The following SH3GL2 variants were observed in gnomAD, a reference collection of about 807,000 sequenced individuals.
The protein encoded by SH3GL2 is SH3 domain containing GRB2 like 2, endophilin A1.
SH3GL2 carries 24 observed loss-of-function variants against 46.0 expected under a neutral mutation model. That is an observed-to-expected ratio of 0.52 (90% CI 0.38 to 0.73). SH3GL2 has a LOEUF of 0.73. SH3GL2 is among the 30% of genes least tolerant of loss of function. The pLI, the probability that SH3GL2 is intolerant of heterozygous loss-of-function variation, is 0.00. For missense variants in SH3GL2, 413 were observed against 424.2 expected, an observed-to-expected ratio of 0.97 and a Z score of 0.23; for synonymous variants, 196 against 147.1, an observed-to-expected ratio of 1.33 and a Z score of -2.40.
intron 4 of SH3GL2, among the ~76,000 whole-genome samples, chr9:17,786,811 T>G (rs979082356): frequency 1.3e-5 from 2 of 152,148 alleles, no homozygotes; most frequent in African/African-American, 4.8e-5. Context: ...TGGGTGTTTC[T>G]GGCAGTCATT....
At chr9:17,738,478 ATG>A (rs1016655138) in intron 1 of SH3GL2, among the ~76,000 whole-genome samples, 289 of 151,042 alleles carry the variant, frequency 1.9e-3, no homozygotes, top group African/African-American at 6.2e-3. Context: ...ATACATACTT[ATG>A]TATACACACA....
At chr9:17,611,812 A>G (rs1269739845) in intron 1 of SH3GL2, among the ~76,000 whole-genome samples, 1 of 152,192 alleles carries the variant, frequency 6.6e-6, no homozygotes, top group East Asian at 1.9e-4. Flanking sequence ...AGAAGGAGAC[A>G]TCAGGACTTG....
chr9:17,682,975 TA>T lies in SH3GL2; in HGVS notation c.46-64085del, dbSNP rs891685066. 2.0e-5 allele frequency among the ~76,000 whole-genome samples: 3 copies of T among 152,044 alleles called. No homozygotes were observed. In the South Asian group the frequency reaches 6.2e-4, roughly 32 times the overall value. ...AGTGTTGCCTTCATGCTTACAATAGTAAAAAATCCAGATAGTATACAAAATG... is the reference window on the plus strand; with the variant it reads ...AGTGTTGCCTTCATGCTTACAATAGTAAAAATCCAGATAGTATACAAAATG... On this transcript the variant is annotated intron_variant, in intron 1 of 8. Coordinates refer to ENST00000380607, the MANE Select transcript of SH3GL2 (RefSeq NM_003026.5).
intron 1 of SH3GL2, among the ~76,000 whole-genome samples, chr9:17,639,294 G>C (rs549216977): frequency 6.6e-6 from 1 of 152,262 alleles, no homozygotes; most frequent in South Asian, 2.1e-4. Context: ...AGAAAATATT[G>C]TAAAGCAAAA....
intron 1 of SH3GL2, among the ~76,000 whole-genome samples, chr9:17,628,496 G>A (rs1245541297): frequency 1.3e-5 from 2 of 151,942 alleles, no homozygotes; most frequent in Admixed American, 1.3e-4. Context: ...ATGCATAACT[G>A]GGTCTACCAG....
rs143642155 is a variant in SH3GL2, at chr9:17,645,414, A to G, written c.45+66127A>G. The stretch of plus-strand genomic sequence containing the variant: ...TATGTGTGAATTTGATCCTTTCATT[A>G]TGATGCTAGCTGGTTATTTTGCCCA... On this transcript the variant is annotated intron_variant, in intron 1 of 8. Coordinates refer to ENST00000380607, the MANE Select transcript of SH3GL2 (RefSeq NM_003026.5). Among the ~76,000 whole-genome samples the G allele has an allele frequency of 7.0e-3, 1,072 of 152,150 alleles. 10 individuals are homozygous for G. Among genetic ancestry groups the G allele is most frequent in the African/African-American group, 0.024 (1,014 of 41,518 alleles).
chr9:17,655,304 G>A (rs140817013), intron 1 of SH3GL2, among the ~76,000 whole-genome samples: 2 of 152,098 alleles, frequency 1.3e-5, no homozygotes, highest in Admixed American at 6.6e-5. Flanking sequence ...AGGGGTGTAC[G>A]TGCTGTGTTT....
At chr9:17,635,806 C>T (rs762110347) in intron 1 of SH3GL2, among the ~76,000 whole-genome samples, 1 of 152,164 alleles carries the variant, frequency 6.6e-6, no homozygotes, top group Non-Finnish European at 1.5e-5. Flanking sequence ...TCCTAAGGCT[C>T]TCTGAGGATT....
At chr9:17,794,438 C>A (rs905845255) in intron 8 of SH3GL2, among the ~76,000 whole-genome samples, 1 of 152,192 alleles carries the variant, frequency 6.6e-6, no homozygotes, top group Non-Finnish European at 1.5e-5. Flanking sequence ...GCGCTCAGCA[C>A]TTCAGGGCAT....
At chr9:17,755,833 G>A in intron 2 of SH3GL2, 2 of 932,260 alleles carry the variant, frequency 2.1e-6, no homozygotes, top group Non-Finnish European at 2.6e-6. Context: ...AGGGAAGAAA[G>A]GTAATATTCC....
At chr9:17,781,393 A>T (rs1823804116) in intron 3 of SH3GL2, among the ~76,000 whole-genome samples, 1 of 140,212 alleles carries the variant, frequency 7.1e-6, no homozygotes, top group African/African-American at 2.7e-5. Context: ...CCTTTGTCAG[A>T]TGAGTAGGTT....
chr9:17,787,270 C>G, intron 4 of SH3GL2, 110 bp from the exon 5 acceptor site: 3 of 833,982 alleles, frequency 3.6e-6, no homozygotes. Flanking sequence ...TGTCTGTTGT[C>G]TTTAGAAGAC....
chr9:17,677,369 A>T (rs903525707), intron 1 of SH3GL2, among the ~76,000 whole-genome samples: 3 of 152,078 alleles, frequency 2.0e-5, no homozygotes, highest in African/African-American at 7.2e-5. Flanking sequence ...TTGTGAAGGG[A>T]TGGCTCAATA....
chr9:17,632,004 T>A (rs773543642), intron 1 of SH3GL2, among the ~76,000 whole-genome samples: 85 of 152,188 alleles, frequency 5.6e-4, no homozygotes, highest in Non-Finnish European at 1.1e-3. Context: ...GGGTTCAGTA[T>A]CTGCTTTTCA....
intron 1 of SH3GL2, among the ~76,000 whole-genome samples, chr9:17,679,251 T>C (rs1820699968): frequency 6.6e-6 from 1 of 152,236 alleles, no homozygotes; most frequent in African/African-American, 2.4e-5. Flanking sequence ...ATATTGATTC[T>C]TCCTATCCAT....
chr9:17,755,733 A>T (rs1184974402), intron 2 of SH3GL2: 1 of 973,290 alleles, frequency 1.0e-6, no homozygotes, highest in Non-Finnish European at 1.2e-6. Context: ...GTATGAAATC[A>T]TATCTTTCAG....
chr9:17,753,338 A>G (rs9407829), intron 2 of SH3GL2, among the ~76,000 whole-genome samples: 1 of 152,118 alleles, frequency 6.6e-6, no homozygotes, highest in African/African-American at 2.4e-5. Context: ...GTGTATAAGC[A>G]TTCCTTTTTC....
At chr9:17,628,289 A>G (rs1437641562) in intron 1 of SH3GL2, among the ~76,000 whole-genome samples, 33 of 152,120 alleles carry the variant, frequency 2.2e-4, no homozygotes, top group Admixed American at 2.1e-3. Flanking sequence ...CATGCCTTCT[A>G]TCTAAATACA....
chr9:17,754,529 T>C (rs9407831), intron 2 of SH3GL2, among the ~76,000 whole-genome samples: 8,178 of 151,826 alleles, frequency 0.054, 679 homozygotes, highest in African/African-American at 0.18. Flanking sequence ...AAAAATTAGC[T>C]GGGTATGGTG....
Sources: gnomAD v4.1 joint callset for allele counts (sites outside exome capture counted in the v4.1 genomes callset) on GRCh38, gnomAD v4.1.1 for gene constraint, MANE v1.5 for transcripts, NCBI Gene and HGNC (gene_info 2026-07-23, HGNC 2026-07-21) for gene names.